TJP1: variants seen among roughly 807,000 people sequenced by gnomAD.
TJP1 encodes tight junction protein ZO-1.
TJP1 carries 43 observed loss-of-function variants against 194.2 expected under a neutral mutation model. That is an observed-to-expected ratio of 0.22 (90% CI 0.17 to 0.29). TJP1 has a LOEUF of 0.29. Among genes scored for constraint, TJP1 ranks in the 10% least tolerant of loss-of-function variants. The pLI, the probability that TJP1 is intolerant of heterozygous loss-of-function variation, is 1.00. For synonymous variants in TJP1, 801 were observed against 779.0 expected, an observed-to-expected ratio of 1.03 and a Z score of -0.47; for missense variants, 1,971 against 2,185.7, an observed-to-expected ratio of 0.90 and a Z score of 1.96.
intron 1 of TJP1, among the ~76,000 whole-genome samples, chr15:29,957,736 T>C (rs2056001295): frequency 6.6e-6 from 1 of 152,196 alleles, no homozygotes; most frequent in African/African-American, 2.4e-5. Context: ...GCAACATCTT[T>C]GGGTACAAAT....
chr15:29,775,472 G>C (rs1363583060), intron 2 of TJP1, among the ~76,000 whole-genome samples: 1 of 152,118 alleles, frequency 6.6e-6, no homozygotes, highest in African/African-American at 2.4e-5. Flanking sequence ...TGCATGGTAA[G>C]TGCTTATTTA....
chr15:29,851,137 C>CA (rs2051627151), intron 2 of TJP1, among the ~76,000 whole-genome samples: 1 of 150,356 alleles, frequency 6.7e-6, no homozygotes, highest in African/African-American at 2.4e-5. Flanking sequence ...GACTCTGCCT[C>CA]AAAAAATACA....
rs2041495995 is a variant in TJP1 at position 29,700,795 on chromosome 15, A to G, written c.*800T>C. 5.2e-6 allele frequency: 1 copy of G among 191,352 alleles called. No individual in the cohort carries two copies. Among genetic ancestry groups the G allele is most frequent in the African/African-American group, 2.3e-5 (1 of 43,216 alleles). The allele number at this position is 191,352 out of a possible 1,614,324, so 11.9% of individuals were successfully genotyped here. A position where few individuals can be genotyped will look rare whatever the true frequency, so the allele number is the denominator to read the frequency against. ...TCACACCACTATTTTCTTCTGGGTG[A>G]TAACACATTTCTGAAACCACCAAAT... On this transcript the variant is annotated 3_prime_UTR_variant, in exon 28 of 28. Transcript: ENST00000614355.
At chr15:29,741,194 A>T in intron 10 of TJP1, 137 bp downstream of exon 10, 2 of 647,064 alleles carry the variant, frequency 3.1e-6, no homozygotes, top group Non-Finnish European at 5.2e-6. Context: ...CAGAATGTTA[A>T]ATATAAAAAT....
intron 2 of TJP1, among the ~76,000 whole-genome samples, chr15:29,899,503 G>A (rs1209233603): frequency 2.6e-5 from 4 of 152,110 alleles, no homozygotes; most frequent in African/African-American, 9.7e-5. Context: ...AGATGTGGTG[G>A]CAGGGAAAGG....
chr15:29,746,180 C>T (rs1300897096), intron 8 of TJP1, among the ~76,000 whole-genome samples: 1 of 152,086 alleles, frequency 6.6e-6, no homozygotes, highest in Non-Finnish European at 1.5e-5. Flanking sequence ...AGATCGAGAC[C>T]ATCCTGGCTA....
intron 2 of TJP1, among the ~76,000 whole-genome samples, chr15:29,918,290 T>C (rs1012439655): frequency 4.6e-5 from 7 of 152,214 alleles, no homozygotes; most frequent in African/African-American, 1.7e-4. Flanking sequence ...GCTATGAAAT[T>C]GGGTGTACAA....
At chr15:29,788,121 G>A (rs569219439) in intron 2 of TJP1, among the ~76,000 whole-genome samples, 2 of 152,256 alleles carry the variant, frequency 1.3e-5, no homozygotes, top group African/African-American at 4.8e-5. Flanking sequence ...CTTTGAGGAA[G>A]TATCTATTCA....
chr15:29,718,155 C>T (rs1453211725), intron 21 of TJP1, 37 bp from the exon 22 acceptor site: 8 of 1,571,194 alleles, frequency 5.1e-6, no homozygotes, highest in Non-Finnish European at 5.2e-6. Context: ...GACAAATATG[C>T]CTAAGGAACA....
chr15:29,770,742 TACA>T (rs1021075978), intron 4 of TJP1, among the ~76,000 whole-genome samples: 4 of 151,896 alleles, frequency 2.6e-5, no homozygotes, highest in Non-Finnish European at 2.9e-5. Context: ...TGTACAGCTG[TACA>T]ACGTGTTTGT....
At chr15:29,721,567 A>G (rs1236508553) in intron 18 of TJP1, among the ~76,000 whole-genome samples, 1 of 152,178 alleles carries the variant, frequency 6.6e-6, no homozygotes, top group African/African-American at 2.4e-5. Flanking sequence ...AGAATGGACT[A>G]ATACAGTAAA....
rs1596040378 is a variant in TJP1, at chr15:29,822,305, C to A, written c.-277G>T. 2.7e-6 allele frequency: 3 copies of A among 1,120,106 alleles called. No homozygotes were observed. Among genetic ancestry groups the A allele is most frequent in the African/African-American group, 1.6e-5 (1 of 61,318 alleles). 69.4% of individuals were successfully genotyped at this position (1,120,106 alleles called of 1,614,324 possible). On this transcript the variant is annotated 5_prime_UTR_variant, in exon 1 of 28. Transcript: ENST00000614355. ...ACTCGGCCTCCCGCAGCTTTCGCAG[C>A]CCGGCCACGTCGGCCTCGCCCGGTC...
chr15:29,764,615 G>T (rs1264253746), intron 5 of TJP1, among the ~76,000 whole-genome samples: 2 of 152,112 alleles, frequency 1.3e-5, no homozygotes, highest in African/African-American at 4.8e-5. Context: ...ATTCAGGAGT[G>T]AGGACATTCA....
At chr15:29,838,270 C>T (rs2051102692) in intron 2 of TJP1, among the ~76,000 whole-genome samples, 3 of 152,072 alleles carry the variant, frequency 2.0e-5, no homozygotes. Flanking sequence ...ACTAAAAATA[C>T]AAAAATTAGC....
intron 2 of TJP1, among the ~76,000 whole-genome samples, chr15:29,910,456 C>G (rs576708363): frequency 7.2e-5 from 11 of 152,274 alleles, no homozygotes; most frequent in Admixed American, 5.9e-4. Context: ...ACTCCCTTAG[C>G]CTTTCCACTT....
chr15:29,849,760 A>G (rs785451), intron 2 of TJP1, among the ~76,000 whole-genome samples: 22,015 of 151,000 alleles, frequency 0.15, 2,164 homozygotes, highest in East Asian at 0.28. Context: ...AAAAAAAAAA[A>G]AGAGACAAGG....
chr15:29,798,200 G>C (rs1013078946), intron 2 of TJP1, among the ~76,000 whole-genome samples: 2 of 151,648 alleles, frequency 1.3e-5, no homozygotes, highest in African/African-American at 2.4e-5. Context: ...CAAACTCCTG[G>C]CCTCGGGTAA....
chr15:29,726,744 T>C (rs1227705623), intron 17 of TJP1, 37 bp downstream of exon 17: 2 of 1,590,872 alleles, frequency 1.3e-6, no homozygotes, highest in Non-Finnish European at 8.6e-7. Flanking sequence ...TGCCCAGACA[T>C]TGTAAGCTGA....
In TJP1 at chr15:29,777,907, G is replaced by A. The variant is rs968164636; in HGVS notation, c.85-4550C>T. Among the ~76,000 whole-genome samples, 3 of 152,136 alleles carry A rather than the reference G, an allele frequency of 2.0e-5. 1 individual carries two copies. Among genetic ancestry groups the A allele is most frequent in the Middle Eastern group, 3.4e-3 (1 of 294 alleles). On this transcript the variant is annotated intron_variant, in intron 2 of 27. Coordinates refer to ENST00000614355, the MANE Select transcript of TJP1 (RefSeq NM_001330239.4). ...CCTTTCCCTTTTTTTCTCCTTCAAA[G>A]AAGTTGGGGCTAATCTTTGTAATTT...
Sources: gnomAD v4.1 joint callset for allele counts (sites outside exome capture counted in the v4.1 genomes callset) on GRCh38, gnomAD v4.1.1 for gene constraint, MANE v1.5 for transcripts, NCBI Gene and HGNC (gene_info 2026-07-23, HGNC 2026-07-21) for gene names.